RALGPS1: variants seen among roughly 807,000 people sequenced by gnomAD.
RALGPS1 encodes the protein Ral GEF with PH domain and SH3 binding motif 1.
A neutral mutation model predicts 78.8 loss-of-function variants in RALGPS1; 19 were observed. The observed-to-expected ratio is 0.24, with a 90% CI of 0.17 to 0.35. RALGPS1 has a LOEUF of 0.35. RALGPS1 is among the 10% of genes least tolerant of loss of function. RALGPS1 has a pLI of 1.00. For missense variants in RALGPS1, 454 were observed against 688.3 expected (o/e 0.66, Z 3.81); for synonymous variants, 228 against 256.3 (o/e 0.89, Z 1.06).
chr9:127,170,400 T>G (rs2059510046), intron 10 of RALGPS1, among the ~76,000 whole-genome samples: 1 of 152,226 alleles, frequency 6.6e-6, no homozygotes, highest in Non-Finnish European at 1.5e-5. Context: ...ATAGACATAA[T>G]GCTTTTAGTT....
chr9:127,104,764 A>G (rs556455476), intron 8 of RALGPS1, among the ~76,000 whole-genome samples: 39 of 152,354 alleles, frequency 2.6e-4, no homozygotes, highest in African/African-American at 9.1e-4. Context: ...AAAAGAGCAC[A>G]TGGCTCTGAG....
chr9:127,161,577 G>T (rs1374565746), intron 8 of RALGPS1, among the ~76,000 whole-genome samples: 1 of 152,182 alleles, frequency 6.6e-6, no homozygotes, highest in Non-Finnish European at 1.5e-5. Context: ...GGGCTGACCA[G>T]ACTGACCACA....
At chr9:126,989,820 C>T in intron 4 of RALGPS1, 1 of 1,527,462 alleles carries the variant, frequency 6.5e-7, no homozygotes, top group East Asian at 2.5e-5. Flanking sequence ...TTCACCCTTC[C>T]TGCATCAGGC....
intron 8 of RALGPS1, among the ~76,000 whole-genome samples, chr9:127,158,638 ATTAT>A (rs1209000367): frequency 1.3e-5 from 2 of 152,064 alleles, no homozygotes; most frequent in Non-Finnish European, 2.9e-5. Context: ...TTAAAAATTC[ATTAT>A]TTATGCTTTT....
At chr9:127,012,954 C>T (rs2044486218) in intron 4 of RALGPS1, among the ~76,000 whole-genome samples, 1 of 152,080 alleles carries the variant, frequency 6.6e-6, no homozygotes. Context: ...AAGAGATTTA[C>T]CTAAATAATT....
chr9:127,037,186 G>A (rs942871978), intron 5 of RALGPS1, among the ~76,000 whole-genome samples: 1 of 152,218 alleles, frequency 6.6e-6, no homozygotes, highest in African/African-American at 2.4e-5. Context: ...TAAACAAAGG[G>A]GCAGAGTAGT....
chr9:126,972,671 T>G (rs565574407), intron 3 of RALGPS1, among the ~76,000 whole-genome samples: 1 of 152,358 alleles, frequency 6.6e-6, no homozygotes, highest in South Asian at 2.1e-4. Flanking sequence ...ATTGACCTGT[T>G]CCATAAGTGT....
At chr9:126,958,974 C>T (rs1252117564) in intron 1 of RALGPS1, among the ~76,000 whole-genome samples, 1 of 151,762 alleles carries the variant, frequency 6.6e-6, no homozygotes, top group Non-Finnish European at 1.5e-5. Context: ...TATAGCCATC[C>T]TGGTAGGTGT....
chr9:127,062,837 T>A (rs535128021), intron 7 of RALGPS1, among the ~76,000 whole-genome samples: 1 of 152,352 alleles, frequency 6.6e-6, no homozygotes, highest in East Asian at 1.9e-4. Context: ...ATATTAGGTA[T>A]GTGACTTTGT....
At chr9:127,031,248 T>A (rs553989871) in intron 4 of RALGPS1, among the ~76,000 whole-genome samples, 3 of 152,264 alleles carry the variant, frequency 2.0e-5, no homozygotes, top group Non-Finnish European at 2.9e-5. Flanking sequence ...CATTAGTGAC[T>A]GGAAGAGTTT....
intron 8 of RALGPS1, among the ~76,000 whole-genome samples, chr9:127,163,900 A>C (rs2059152512): frequency 1.3e-5 from 2 of 152,186 alleles, no homozygotes. Context: ...TAAGGCTATA[A>C]ATTTCCCCCT....
chr9:127,221,432 G>GT lies in RALGPS1; in HGVS notation c.*2663_*2664insT, dbSNP rs1487816687. The GT allele has an allele frequency of 6.6e-6, 1 of 152,182 alleles. No individual in the cohort carries two copies. The highest frequency in any genetic ancestry group is 1.5e-5 in the Non-Finnish European group (1 of 68,046). 9.4% of individuals were successfully genotyped at this position (152,182 alleles called of 1,614,324 possible). On this transcript the variant is annotated 3_prime_UTR_variant, in exon 19 of 19. Coordinates refer to ENST00000259351, the MANE Select transcript of RALGPS1 (RefSeq NM_014636.3). ...GTTATAGAAAGCTGTCTACAACTGTGGAGTTGGTAGCTGGTAACATTGTTG... is the reference window on the plus strand; with the variant it reads ...GTTATAGAAAGCTGTCTACAACTGTGTGAGTTGGTAGCTGGTAACATTGTTG...
At chr9:127,172,527 C>G (rs955747156) in intron 10 of RALGPS1, among the ~76,000 whole-genome samples, 3 of 152,206 alleles carry the variant, frequency 2.0e-5, no homozygotes, top group African/African-American at 4.8e-5. Flanking sequence ...CGTGGCTTCT[C>G]TCTTCCAGGG....
At chr9:127,114,700 G>A (rs1000203609) in intron 8 of RALGPS1, among the ~76,000 whole-genome samples, 4 of 152,220 alleles carry the variant, frequency 2.6e-5, no homozygotes, top group African/African-American at 7.2e-5. Context: ...ATGGGTCCAC[G>A]CCATAAGAGG....
chr9:127,104,800 T>C (rs2054059737), intron 8 of RALGPS1, among the ~76,000 whole-genome samples: 1 of 152,230 alleles, frequency 6.6e-6, no homozygotes, highest in South Asian at 2.1e-4. Context: ...GTTTGGAAGC[T>C]GCCAAGGCTC....
chr9:126,952,913 TG>T (rs1198578284), intron 1 of RALGPS1, among the ~76,000 whole-genome samples: 1 of 152,140 alleles, frequency 6.6e-6, no homozygotes, highest in Non-Finnish European at 1.5e-5. Flanking sequence ...GAAGTGGGCT[TG>T]GAAATGGTGT....
At chr9:127,011,770 T>C (rs745687616) in intron 4 of RALGPS1, among the ~76,000 whole-genome samples, 3 of 152,134 alleles carry the variant, frequency 2.0e-5, no homozygotes, top group Non-Finnish European at 4.4e-5. Flanking sequence ...AGCATAAAAA[T>C]TGGTTTGTAT....
At chr9:127,063,093 CA>C (rs895475313) in intron 7 of RALGPS1, among the ~76,000 whole-genome samples, 2 of 152,152 alleles carry the variant, frequency 1.3e-5, no homozygotes, top group African/African-American at 4.8e-5. Flanking sequence ...TTCCATGTAT[CA>C]AGAAATATTA....
At chr9:127,146,517 G>A (rs1297170388) in intron 8 of RALGPS1, among the ~76,000 whole-genome samples, 1 of 149,514 alleles carries the variant, frequency 6.7e-6, no homozygotes, top group Non-Finnish European at 1.5e-5. Flanking sequence ...GAATAGCGCA[G>A]TGATGAACAT....
Sources: allele counts gnomAD v4.1 joint callset (sites outside exome capture counted in the v4.1 genomes callset), GRCh38; gene constraint gnomAD v4.1.1; transcripts MANE v1.5; gene names NCBI Gene and HGNC (gene_info 2026-07-23, HGNC 2026-07-21).